Variants in ABL1 observed in about 807,000 individuals in gnomAD.
ABL1 encodes ABL proto-oncogene 1, non-receptor tyrosine kinase.
A neutral mutation model predicts 94.7 loss-of-function variants in ABL1; 11 were observed. The ratio of observed to expected loss-of-function variants is 0.12; its 90% CI spans 0.07 to 0.19. The LOEUF is 0.19. ABL1 is among the 10% of genes least tolerant of loss of function. The pLI, the probability that ABL1 is intolerant of heterozygous loss-of-function variation, is 1.00. For synonymous variants in ABL1, 656 were observed against 622.4 expected (o/e 1.05, Z -0.80); for missense variants, 1,082 against 1,489.4 (o/e 0.73, Z 4.50).
intron 1 of ABL1, among the ~76,000 whole-genome samples, chr9:130,768,693 C>T (rs968383995): frequency 6.6e-6 from 1 of 152,182 alleles, no homozygotes; most frequent in Non-Finnish European, 1.5e-5. Context: ...ATTAGTGCAT[C>T]CTTCCAAGCC....
rs1830248416 is a variant in ABL1, at chr9:130,814,033, TC to T, written c.137-40028del. 2.0e-5 allele frequency among the ~76,000 whole-genome samples: 3 copies of T among 152,140 alleles called. No individual in the cohort carries two copies. In the South Asian group the frequency reaches 6.2e-4, roughly 32 times the overall value. ...CAGGCAGGGAGGCCCATGCCTGTAA[TC>T]CCAGCACTTTGGGAGGCTGAGGCGG... On this transcript the variant is annotated intron_variant, in intron 1 of 10. Coordinates refer to the ABL1 transcript ENST00000372348. This position sits in a 1 kb window ranked among gnomAD's most constrained non-coding sequence, Gnocchi z 4.4.
In ABL1 at chr9:130,731,637, A is replaced by C. The variant is rs556889707; in HGVS notation, c.136+17182A>C. Among the ~76,000 whole-genome samples the C allele has an allele frequency of 5.3e-5, 8 of 152,284 alleles. No individual in the cohort carries two copies. The East Asian group carries it at 1.5e-3, about 29-fold the overall frequency. ...TGTTAATTTGTTTGTCTTTCCTTGC[A>C]CCAGTATTACAATGTATTACTGTAG... On this transcript the variant is annotated intron_variant, in intron 1 of 10. Coordinates refer to the ABL1 transcript ENST00000372348.
chr9:130,849,771 C>A (rs527337967), intron 1 of ABL1, among the ~76,000 whole-genome samples: 38 of 152,302 alleles, frequency 2.5e-4, no homozygotes, highest in African/African-American at 9.1e-4. Context: ...CCCGCCTTGG[C>A]CTCCCGAAGT....
chr9:130,852,529 G>A (rs1830885069), intron 1 of ABL1, among the ~76,000 whole-genome samples: 1 of 152,106 alleles, frequency 6.6e-6, no homozygotes, highest in Non-Finnish European at 1.5e-5. Context: ...TTTTTAAATT[G>A]TAGTTCCTTA....
chr9:130,799,755 C>T (rs1830030332), intron 1 of ABL1, among the ~76,000 whole-genome samples: 1 of 152,062 alleles, frequency 6.6e-6, no homozygotes, highest in Non-Finnish European at 1.5e-5. Flanking sequence ...AGTAACTCCT[C>T]GGAGACTTCC....
At chr9:130,833,080 T>C (rs535621563), upstream of ABL1, among the ~76,000 whole-genome samples, 1 of 152,150 alleles carries the variant, frequency 6.6e-6, no homozygotes, top group South Asian at 2.1e-4. Context: ...AGCAGAATAT[T>C]AGTAATAATA....
chr9:130,746,445 C>T (rs1294422115), intron 1 of ABL1, among the ~76,000 whole-genome samples: 1 of 151,538 alleles, frequency 6.6e-6, no homozygotes, highest in East Asian at 1.9e-4. Flanking sequence ...TGCTATTCTG[C>T]TCTCCTGCCT....
chr9:130,781,184 T>C (rs147695643), intron 1 of ABL1, among the ~76,000 whole-genome samples: 312 of 152,334 alleles, frequency 2.0e-3, no homozygotes, highest in African/African-American at 7.0e-3. Context: ...CATTTGGTAA[T>C]GGTAAGATTA....
intron 1 of ABL1, among the ~76,000 whole-genome samples, chr9:130,743,898 A>C: frequency 1.3e-5 from 2 of 152,214 alleles, no homozygotes; most frequent in South Asian, 4.1e-4. Context: ...GGAGGTGGCC[A>C]TCAAGAGGCA....
At chr9:130,796,426 A>G (rs1829974546) in intron 1 of ABL1, among the ~76,000 whole-genome samples, 1 of 152,030 alleles carries the variant, frequency 6.6e-6, no homozygotes, top group African/African-American at 2.4e-5. Flanking sequence ...CACAAAAATC[A>G]CTTAAATCTG....
upstream of ABL1, among the ~76,000 whole-genome samples, chr9:130,832,891 A>G (rs1830509318): frequency 6.6e-6 from 1 of 152,204 alleles, no homozygotes; most frequent in South Asian, 2.1e-4. Context: ...AGTATAGGCC[A>G]GGTTTGATAC....
intron 1 of ABL1, among the ~76,000 whole-genome samples, chr9:130,738,884 A>C (rs1277960728): frequency 1.3e-5 from 2 of 152,010 alleles, no homozygotes; most frequent in Non-Finnish European, 2.9e-5. Flanking sequence ...TCTGTGTGTT[A>C]TGTGTCTTTT....
intron 1 of ABL1, among the ~76,000 whole-genome samples, chr9:130,825,673 CTT>C (rs1395626579): frequency 2.6e-5 from 4 of 152,100 alleles, no homozygotes; most frequent in South Asian, 2.1e-4. Context: ...ACAAACAAGA[CTT>C]AGTGATTTAA....
rs2133034908 is a variant in ABL1, at chr9:130,884,140, G to A, written c.1850G>A (p.Arg617His). ...AAGACAGCCCCAACCCCTCCCAAAC[G>A]CAGCAGCTCCTTCCGGGAGATGGAC... ...KKKTAPTPPK[R>H]SSSFREMDGQ... Residue 617 changes from arginine (R) to histidine (H), a missense_variant, in exon 11 of 11, where the codon CGC becomes CAC. Physicochemically the swap from Arg to His is conservative, Grantham distance 29. This residue lies in a region of ABL1 where 780 missense variants were observed against 835.8 expected (regional missense o/e 0.93). Transcript: ENST00000318560. The surrounding 1 kb of genome is among the most constrained non-coding windows in gnomAD (Gnocchi z 5.6). 2 of 1,613,546 alleles carry A rather than the reference G, an allele frequency of 1.2e-6. No individual in the cohort carries two copies. The highest frequency in any genetic ancestry group is 1.7e-6 in the Non-Finnish European group (2 of 1,180,022).
At chr9:130,849,188 AAACT>A (rs1830819745) in intron 1 of ABL1, among the ~76,000 whole-genome samples, 1 of 152,210 alleles carries the variant, frequency 6.6e-6, no homozygotes, top group Admixed American at 6.5e-5. Context: ...CATGCAGCAT[AAACT>A]AACTTATCCT....
At chr9:130,753,436 T>A (rs1831994920) in intron 1 of ABL1, among the ~76,000 whole-genome samples, 1 of 138,082 alleles carries the variant, frequency 7.2e-6, no homozygotes, top group East Asian at 2.2e-4. Context: ...TTTTTTTTTT[T>A]TTTTTTTGAG....
rs552956094 is a variant in ABL1 at position 130,870,554 on chromosome 9, C to G, written c.823-1575C>G. 9.2e-5 allele frequency among the ~76,000 whole-genome samples: 14 copies of G among 152,250 alleles called. No homozygotes were observed. The South Asian group carries it at 2.7e-3, about 29-fold the overall frequency. On this transcript the variant is annotated intron_variant, in intron 4 of 10. Coordinates refer to ENST00000318560, the MANE Select transcript of ABL1 (RefSeq NM_005157.6). ...CGGATACTGGCAGGCGTTCACTGTC[C>G]AGCCTTTGACATTAGCATGTCACCC...
chr9:130,718,455 T>A (rs1257896521), intron 1 of ABL1, among the ~76,000 whole-genome samples: 1 of 152,230 alleles, frequency 6.6e-6, no homozygotes, highest in Non-Finnish European at 1.5e-5. Context: ...TATTTGTTTT[T>A]AAATGAATAA....
chr9:130,850,581 A>ACT (rs1443918300), intron 1 of ABL1, among the ~76,000 whole-genome samples: 1 of 152,020 alleles, frequency 6.6e-6, no homozygotes, highest in Non-Finnish European at 1.5e-5. Context: ...ATCTCAGCTT[A>ACT]CTACAACCTC....
Sources: allele counts gnomAD v4.1 joint callset (sites outside exome capture counted in the v4.1 genomes callset), GRCh38; gene constraint gnomAD v4.1.1; regional missense constraint gnomAD v4.1.1; non-coding constraint Gnocchi (gnomAD v3.1); transcripts MANE v1.5; gene names NCBI Gene and HGNC (gene_info 2026-07-23, HGNC 2026-07-21).